The following FAM114A1 variants were observed in gnomAD, a reference collection of about 807,000 sequenced individuals.
FAM114A1 encodes the protein family with sequence similarity 114 member A1, also known as protein NOXP20.
In FAM114A1, 62 loss-of-function variants were observed where a neutral mutation model predicts 64.3. That is an observed-to-expected ratio of 0.96 (90% CI 0.79 to 1.19). The LOEUF is 1.19. Ranked by LOEUF, FAM114A1 falls within the 50% of genes most tolerant of loss-of-function variation. The pLI is 0.00. For synonymous variants in FAM114A1, 254 were observed against 251.1 expected, an observed-to-expected ratio of 1.01 and a Z score of -0.11; for missense variants, 645 against 676.3, an observed-to-expected ratio of 0.95 and a Z score of 0.51.
intron 4 of FAM114A1, among the ~76,000 whole-genome samples, chr4:38,899,339 AC>A (rs538040090): frequency 2.6e-3 from 389 of 152,278 alleles, no homozygotes; most frequent in Non-Finnish European, 4.7e-3. Flanking sequence ...AATCCACAGC[AC>A]CGGGCCTTTA....
Position 38,908,623 on chromosome 4 carries a change from C to A in FAM114A1, c.689C>A (p.Ala230Glu). 6.2e-7 allele frequency: 1 copy of A among 1,613,212 alleles called. No homozygotes were observed. The highest frequency in any genetic ancestry group is 8.5e-7 in the Non-Finnish European group (1 of 1,179,386). Reference sequence around the variant, plus strand: ...AGTGTCTTAACTGGAGGCCTTGATGCGTTGGAATTCATCGGCAAGAAAACC... The same window carrying A: ...AGTGTCTTAACTGGAGGCCTTGATGAGTTGGAATTCATCGGCAAGAAAACC... ...GKSVLTGGLD[A>E]LEFIGKKTMN... is the part of the protein sequence containing the mutation. The change falls in exon 7 of 15, where the codon GCG becomes GAG. Residue 230 changes from alanine to glutamate, a missense_variant. Coordinates refer to ENST00000358869, the MANE Select transcript of FAM114A1 (RefSeq NM_138389.4).
In FAM114A1 at chr4:38,905,590, T is replaced by A; in HGVS notation, c.505T>A (p.Ser169Thr). The change falls in exon 5 of 15, where the codon TCT (serine) becomes ACT (threonine). Residue 169 changes from serine (S) to threonine (T), a missense_variant. Coordinates refer to ENST00000358869, the MANE Select transcript of FAM114A1 (RefSeq NM_138389.4). ...TLRIHGVNSG[S>T]SEGAQPNTEN... ...ACGGATTCATGGTGTAAATTCTGGA[T>A]CTTCTGAAGGAGCCCAACCAAATAC... The A allele has an allele frequency of 6.2e-7, 1 of 1,614,154 alleles. No homozygotes were observed. The highest frequency in any genetic ancestry group is 2.2e-5 in the East Asian group (1 of 44,882).
Position 38,905,622 on chromosome 4 carries a change from C to T in FAM114A1, c.537C>T (p.Asn179=), listed in dbSNP as rs569608422. Residue 179 remains asparagine, a synonymous_variant, in exon 5 of 15, where the codon AAC becomes AAT. Transcript: ENST00000358869. ...AAGGAGCCCAACCAAATACTGAAAA[C>T]GGAGTCCCTGAAAGTGAGTGATGTG... ...SSEGAQPNTE[N]GVPEITDAAT... The T allele has an allele frequency of 3.3e-5, 54 of 1,613,992 alleles. No individual in the cohort carries two copies. Among genetic ancestry groups the T allele is most frequent in the Admixed American group, 2.2e-4 (13 of 60,014 alleles).
Position 38,905,816 on chromosome 4 carries a change from C to G in FAM114A1, c.612C>G (p.Ala204=), listed in dbSNP as rs747803554. ...GCCCACCCACTTCCCCTTCATCAGC[C>G]TCTCGGGGTATGCTGTCTGCCATCA... The part of the protein sequence containing the change: ...AESPPTSPSS[A]SRGMLSAITN... The change falls in exon 6 of 15, where the codon GCC becomes GCG. Residue 204 remains alanine (A), a synonymous_variant. Transcript: ENST00000358869. The G allele has an allele frequency of 1.9e-6, 3 of 1,614,100 alleles. No individual in the cohort carries two copies. In the South Asian group the frequency reaches 3.3e-5, roughly 18 times the overall value.
intron 13 of FAM114A1, among the ~76,000 whole-genome samples, chr4:38,938,211 A>G (rs1042881395): frequency 6.6e-6 from 1 of 152,092 alleles, no homozygotes; most frequent in Admixed American, 6.5e-5. Context: ...ACAGTGTCTC[A>G]TTGTGCAAAC....
At chr4:38,924,292 A>G (rs77864472) in intron 9 of FAM114A1, among the ~76,000 whole-genome samples, 30,614 of 152,162 alleles carry the variant, frequency 0.2, 3,237 homozygotes, top group Middle Eastern at 0.29. Flanking sequence ...TAAAGTGCGA[A>G]CACAATGCCA....
At chr4:38,885,932 A>G (rs1715754011) in intron 3 of FAM114A1, among the ~76,000 whole-genome samples, 1 of 152,348 alleles carries the variant, frequency 6.6e-6, no homozygotes, top group East Asian at 1.9e-4. Flanking sequence ...TAAAAAGGAA[A>G]AAAAGTGAGA....
Position 38,931,495 on chromosome 4 carries a change from G to A in FAM114A1, c.1206G>A (p.Val402=). ...ACTGGGTGGAAGAGGATCAAACCGT[G>A]GTGTCAGTAGATGTGGCAAAAGTGT... is the stretch of plus-strand genomic sequence containing the variant. ...AHDWVEEDQT[V]VSVDVAKVSE... Residue 402 remains valine (V), a synonymous_variant, in exon 11 of 15, where the codon GTG becomes GTA. Transcript: ENST00000358869. The A allele has an allele frequency of 6.2e-7, 1 of 1,614,004 alleles. No individual in the cohort carries two copies. The highest frequency in any genetic ancestry group is 8.5e-7 in the Non-Finnish European group (1 of 1,179,986).
rs560879461 is a variant in FAM114A1 at position 38,943,912 on chromosome 4, C to T, written c.*355C>T. The T allele has an allele frequency of 5.5e-6, 1 of 181,170 alleles. No individual in the cohort carries two copies. The highest frequency in any genetic ancestry group is 5.5e-5 in the Admixed American group (1 of 18,208). 11.2% of individuals were successfully genotyped at this position (181,170 alleles called of 1,614,324 possible). A position where few individuals can be genotyped will look rare whatever the true frequency, so the allele number is the denominator to read the frequency against. On this transcript the variant is annotated 3_prime_UTR_variant, in exon 15 of 15. Coordinates refer to ENST00000358869, the MANE Select transcript of FAM114A1 (RefSeq NM_138389.4). ...GGAGACCTTAGACTTTTGTTTAATC[C>T]TTTATGTTTCAACCTTTAAATGTTC...
At chr4:38,876,451 G>A (rs12510824) in intron 2 of FAM114A1, among the ~76,000 whole-genome samples, 41,705 of 151,936 alleles carry the variant, frequency 0.27, 6,110 homozygotes, top group African/African-American at 0.31. Flanking sequence ...GATTACAGGT[G>A]TGAGCCATTG....
chr4:38,924,113 A>G (rs1466127782), intron 9 of FAM114A1, among the ~76,000 whole-genome samples: 1 of 152,202 alleles, frequency 6.6e-6, no homozygotes, highest in Non-Finnish European at 1.5e-5. Context: ...TAAACAAGTT[A>G]TATACCCTTT....
intron 12 of FAM114A1, among the ~76,000 whole-genome samples, chr4:38,932,891 G>A (rs1370426026): frequency 6.9e-5 from 10 of 145,604 alleles, no homozygotes; most frequent in Admixed American, 2.8e-4. Flanking sequence ...GTCTCGCTCT[G>A]TCACCAGGTT....
chr4:38,888,947 T>C (rs530527755), intron 3 of FAM114A1, among the ~76,000 whole-genome samples: 2 of 152,368 alleles, frequency 1.3e-5, no homozygotes, highest in African/African-American at 4.8e-5. Context: ...ATATTAAATA[T>C]GTGTATTTAA....
At chr4:38,931,382 T>C (rs1391456687) in intron 10 of FAM114A1, 69 bp from the exon 11 acceptor site, 101 of 1,515,496 alleles carry the variant, frequency 6.7e-5, no homozygotes, top group Non-Finnish European at 8.7e-5. Context: ...GATTCTAGTC[T>C]TGGGGTTGGA....
intron 3 of FAM114A1, among the ~76,000 whole-genome samples, chr4:38,891,150 C>G (rs1486820340): frequency 2.6e-5 from 4 of 152,192 alleles, no homozygotes; most frequent in Admixed American, 1.3e-4. Flanking sequence ...CAGGGACAGT[C>G]TTATCCCTGT....
At chr4:38,909,512 TA>T (rs1191124313) in intron 7 of FAM114A1, among the ~76,000 whole-genome samples, 1 of 152,156 alleles carries the variant, frequency 6.6e-6, no homozygotes. Flanking sequence ...TGTCTTTGCT[TA>T]CTTACAATAG....
At chr4:38,872,315 T>C (rs1306237988) in intron 2 of FAM114A1, among the ~76,000 whole-genome samples, 2 of 152,212 alleles carry the variant, frequency 1.3e-5, no homozygotes, top group African/African-American at 4.8e-5. Context: ...TAGTATATGC[T>C]GAACTATTTT....
chr4:38,925,138 A>G (rs1314811794), intron 9 of FAM114A1, among the ~76,000 whole-genome samples: 1 of 152,244 alleles, frequency 6.6e-6, no homozygotes, highest in Non-Finnish European at 1.5e-5. Flanking sequence ...AAAAACCTGA[A>G]GTGCGAACAG....
At chr4:38,890,381 G>A (rs58125989) in intron 3 of FAM114A1, among the ~76,000 whole-genome samples, 5,311 of 143,620 alleles carry the variant, frequency 0.037, 130 homozygotes, top group Middle Eastern at 0.12. Context: ...CCAGCCTGGT[G>A]ACAGAGCAAG....
Sources: gnomAD v4.1 joint callset for allele counts (sites outside exome capture counted in the v4.1 genomes callset) on GRCh38, gnomAD v4.1.1 for gene constraint, MANE v1.5 for transcripts, NCBI Gene and HGNC (gene_info 2026-07-23, HGNC 2026-07-21) for gene names.